The following GPSM1 variants were observed in gnomAD, a reference collection of about 807,000 sequenced individuals.
The protein encoded by GPSM1 is G protein-signaling modulator 1.
A neutral mutation model predicts 70.5 loss-of-function variants in GPSM1; 48 were observed. That is an observed-to-expected ratio of 0.68 (90% CI 0.54 to 0.87). The LOEUF is 0.87. Ranked by LOEUF, GPSM1 falls within the 40% of genes least tolerant of loss-of-function variation. GPSM1 has a pLI of 0.00. For synonymous variants in GPSM1, 416 were observed against 430.1 expected (o/e 0.97, Z 0.41); for missense variants, 981 against 972.6 (o/e 1.01, Z -0.11).
chr9:136,339,671 G>C, intron 7 of GPSM1, 36 bp from the exon 8 acceptor site: 1 of 1,400,292 alleles, frequency 7.1e-7, no homozygotes, highest in Non-Finnish European at 9.9e-7. Flanking sequence ...CTGGCCTGGA[G>C]AGGGCGGGTA....
intron 11 of GPSM1, among the ~76,000 whole-genome samples, chr9:136,354,354 T>C (rs569993511): frequency 6.6e-6 from 1 of 152,066 alleles, no homozygotes; most frequent in African/African-American, 2.4e-5. Flanking sequence ...GCTGTGGGGG[T>C]CAGGTGTCGG....
At chr9:136,349,147 C>T (rs1358479221) in intron 10 of GPSM1, among the ~76,000 whole-genome samples, 1 of 152,270 alleles carries the variant, frequency 6.6e-6, no homozygotes, top group Non-Finnish European at 1.5e-5. Context: ...GTTCAGCAGA[C>T]CCACACAGAC....
intron 1 of GPSM1, among the ~76,000 whole-genome samples, chr9:136,331,364 G>GCTC (rs1292130513): frequency 2.4e-5 from 3 of 126,594 alleles, no homozygotes; most frequent in African/African-American, 9.4e-5. Flanking sequence ...AGGACTCTGA[G>GCTC]CCCCCCCCCC....
In GPSM1 at chr9:136,358,319, A is replaced by G; in HGVS notation, c.*99A>G. 8.9e-7 allele frequency: 1 copy of G among 1,123,888 alleles called. No homozygotes were observed. Among genetic ancestry groups the G allele is most frequent in the Non-Finnish European group, 1.3e-6 (1 of 789,162 alleles). The allele number at this position is 1,123,888 out of a possible 1,614,324, so 69.6% of individuals were successfully genotyped here. A position where few individuals can be genotyped will look rare whatever the true frequency, so the allele number is the denominator to read the frequency against. ...CCCGAGGCCATTGCCGAGGACAGGCACTGGGCATGCAGCCCCACGGCCTCC... is the reference window on the plus strand; with the variant it reads ...CCCGAGGCCATTGCCGAGGACAGGCGCTGGGCATGCAGCCCCACGGCCTCC... On this transcript the variant is annotated 3_prime_UTR_variant, in exon 14 of 14. Coordinates refer to ENST00000440944, the MANE Select transcript of GPSM1 (RefSeq NM_001145638.3).
rs982999174 is a variant in GPSM1, at chr9:136,348,608, G to A, written c.1208-89G>A. ...GCTGTCAGAAAGCCATGGCCGGGCTGGTCCTTGGCCCCCCAGAGACTCTGG... is the reference window on the plus strand; with the variant it reads ...GCTGTCAGAAAGCCATGGCCGGGCTAGTCCTTGGCCCCCCAGAGACTCTGG... On this transcript the variant is annotated intron_variant, in intron 9 of 13. Coordinates refer to ENST00000440944, the MANE Select transcript of GPSM1 (RefSeq NM_001145638.3). 1.2e-4 allele frequency: 117 copies of A among 953,312 alleles called. 1 individual carries two copies. Among genetic ancestry groups the A allele is most frequent in the Non-Finnish European group, 1.7e-4 (105 of 632,654 alleles). 59.1% of individuals were successfully genotyped at this position (953,312 alleles called of 1,614,324 possible). A position where few individuals can be genotyped will look rare whatever the true frequency, so the allele number is the denominator to read the frequency against.
rs150385280 is a variant in GPSM1, at chr9:136,331,155, C to T, written c.69-3292C>T. Among the ~76,000 whole-genome samples, 393 of 152,274 alleles carry T rather than the reference C, an allele frequency of 2.6e-3. 1 individual carries two copies. The highest frequency in any genetic ancestry group is 9.0e-3 in the African/African-American group (372 of 41,548). Reference sequence around the variant, plus strand: ...CTGGGAGCCCAGCTGAGAAGGACGCCGGGGGCTTGGGAAGTTTGAGGAAAG... The same window carrying T: ...CTGGGAGCCCAGCTGAGAAGGACGCTGGGGGCTTGGGAAGTTTGAGGAAAG... On this transcript the variant is annotated intron_variant, in intron 1 of 13. Coordinates refer to ENST00000440944, the MANE Select transcript of GPSM1 (RefSeq NM_001145638.3).
At chr9:136,334,785 A>AGCCCTGCTGGTGGGTGAGTGGGGATG (rs1291453631) in intron 2 of GPSM1, 117 bp downstream of exon 2, 1 of 733,148 alleles carries the variant, frequency 1.4e-6, no homozygotes, top group African/African-American at 2.6e-5. Context: ...GAGTGGGGAC[A>AGCCCTGCTGGTGGGTGAGTGGGGATG]GCCCTGCTGG....
intron 9 of GPSM1, among the ~76,000 whole-genome samples, chr9:136,347,006 G>GC (rs1832539471): frequency 2.0e-5 from 3 of 152,214 alleles, no homozygotes; most frequent in Admixed American, 1.3e-4. Context: ...TTTGACGAGT[G>GC]CCCCAACCCT....
At chr9:136,355,903 AG>A in intron 12 of GPSM1, 57 bp downstream of exon 12, 1 of 1,426,744 alleles carries the variant, frequency 7.0e-7, no homozygotes, top group Non-Finnish European at 9.6e-7. Context: ...GGCCAGGACC[AG>A]GGCTCCCGTC....
intron 7 of GPSM1, 86 bp downstream of exon 7, chr9:136,338,796 T>C (rs1832316034): frequency 2.3e-6 from 3 of 1,307,724 alleles, no homozygotes; most frequent in Non-Finnish European, 3.1e-6. Context: ...CTGGGTCCCA[T>C]CCCCTGCTCT....
intron 9 of GPSM1, among the ~76,000 whole-genome samples, chr9:136,344,347 G>A (rs1343432847): frequency 1.3e-5 from 2 of 152,166 alleles, no homozygotes; most frequent in African/African-American, 4.8e-5. Flanking sequence ...ACAAAGCACC[G>A]CAGGCCGGGG....
At chr9:136,328,237 C>T (rs1173668200) in intron 1 of GPSM1, among the ~76,000 whole-genome samples, 1 of 152,240 alleles carries the variant, frequency 6.6e-6, no homozygotes, top group Non-Finnish European at 1.5e-5. Flanking sequence ...GAAAAGGCAT[C>T]TACTCTCCGG....
rs1192726522 is a variant in GPSM1, at chr9:136,343,013, C to T, written c.1207+2020C>T. On this transcript the variant is annotated intron_variant, in intron 9 of 13. Transcript: ENST00000440944. The surrounding 1 kb of genome is among the most constrained non-coding windows in gnomAD (Gnocchi z 6.0). ...TGATAAACACAAGGAGACTTACGTG[C>T]GGCTGGAGGACAAAGAGCCTTGGCG... 2.0e-5 allele frequency among the ~76,000 whole-genome samples: 3 copies of T among 152,078 alleles called. No homozygotes were observed. The highest frequency in any genetic ancestry group is 1.9e-4 in the East Asian group (1 of 5,176).
Position 136,337,860 on chromosome 9 carries a change from T to G in GPSM1, c.717T>G (p.Ala239=), listed in dbSNP as rs1832285377. The change falls in exon 6 of 14, where the codon GCT becomes GCG. Residue 239 remains alanine, a synonymous_variant. Coordinates refer to ENST00000440944, the MANE Select transcript of GPSM1 (RefSeq NM_001145638.3). The stretch of plus-strand genomic sequence containing the variant: ...TGTCTCCGCAGCGCCTGGCCATTGC[T>G]AAGGAGTTTGGAGACAAGGCAGCCG... ...TTFHKERLAI[A]KEFGDKAAER... 3 of 1,611,492 alleles carry G rather than the reference T, an allele frequency of 1.9e-6. No individual in the cohort carries two copies. The highest frequency in any genetic ancestry group is 2.5e-6 in the Non-Finnish European group (3 of 1,179,140).
chr9:136,335,739 C>A (rs1588692097), intron 2 of GPSM1, among the ~76,000 whole-genome samples: 1 of 152,306 alleles, frequency 6.6e-6, no homozygotes, highest in South Asian at 2.1e-4. Context: ...TGGGCAGGAG[C>A]CTGTGCCCCA....
Position 136,336,981 on chromosome 9 carries a change from C to G in GPSM1, c.487C>G (p.Leu163Val), listed in dbSNP as rs574698433. ...CGTGTACCACGCCAAAGGCAAGCAA[C>G]TGTCCTGGAACGCCGCAAACGCCAC... ...GNVYHAKGKQ[L>V]SWNAANATQD... The change falls in exon 4 of 14, where the codon CTG becomes GTG. Residue 163 changes from leucine to valine, a missense_variant. Transcript: ENST00000440944. 3 of 1,556,038 alleles carry G rather than the reference C, an allele frequency of 1.9e-6. No homozygotes were observed. The highest frequency in any genetic ancestry group is 2.6e-6 in the Non-Finnish European group (3 of 1,150,300).
rs539432819 is a variant in GPSM1 at position 136,348,583 on chromosome 9, G to C, written c.1208-114G>C. 3 of 688,954 alleles carry C rather than the reference G, an allele frequency of 4.4e-6. No homozygotes were observed. The South Asian group carries it at 6.0e-5, about 14-fold the overall frequency. The allele number at this position is 688,954 out of a possible 1,614,324, so 42.7% of individuals were successfully genotyped here. A position where few individuals can be genotyped will look rare whatever the true frequency, so the allele number is the denominator to read the frequency against. On this transcript the variant is annotated intron_variant, in intron 9 of 13. Coordinates refer to ENST00000440944, the MANE Select transcript of GPSM1 (RefSeq NM_001145638.3). ...GCGCTCGCCTCCACAAGGGGGGCTG[G>C]CTGTCAGAAAGCCATGGCCGGGCTG...
At chr9:136,353,764 A>G (rs28578070) in intron 11 of GPSM1, among the ~76,000 whole-genome samples, 96,117 of 152,112 alleles carry the variant, frequency 0.63, 30,502 homozygotes, top group Middle Eastern at 0.8. Flanking sequence ...CCAGAGGCAG[A>G]GGCCCCCCGC....
chr9:136,338,018 G>A, intron 6 of GPSM1, 57 bp downstream of exon 6: 2 of 1,143,732 alleles, frequency 1.7e-6, no homozygotes, highest in Non-Finnish European at 2.5e-6. Flanking sequence ...CTGGATGCCA[G>A]GCCAAGGAAG....
Sources: gnomAD v4.1 joint callset for allele counts (sites outside exome capture counted in the v4.1 genomes callset) on GRCh38, gnomAD v4.1.1 for gene constraint, Gnocchi (gnomAD v3.1) non-coding constraint, MANE v1.5 for transcripts, NCBI Gene and HGNC (gene_info 2026-07-23, HGNC 2026-07-21) for gene names.